The following RBFOX1 variants were observed in gnomAD, a reference collection of about 807,000 sequenced individuals.
The protein encoded by RBFOX1 is RNA binding protein fox-1 homolog 1.
A neutral mutation model predicts 57.7 loss-of-function variants in RBFOX1; 8 were observed. The ratio of observed to expected loss-of-function variants is 0.14; its 90% CI spans 0.08 to 0.25. The LOEUF is 0.25. Among genes scored for constraint, RBFOX1 ranks in the 10% least tolerant of loss-of-function variants. The probability of loss-of-function intolerance (pLI) is 1.00; values close to 1 mark genes in which losing one functional copy is unlikely to be tolerated. For synonymous variants in RBFOX1, 326 were observed against 222.4 expected (o/e 1.47, Z -4.15); for missense variants, 611 against 548.5 (o/e 1.11, Z -1.14).
At chr16:6,572,657 A>C (rs750537218) in intron 2 of RBFOX1, among the ~76,000 whole-genome samples, 2 of 151,688 alleles carry the variant, frequency 1.3e-5, no homozygotes, top group Non-Finnish European at 2.9e-5. Context: ...CAGTGTCACT[A>C]TCTCAGCTCA....
chr16:6,520,251 T>C (rs2096472942), intron 2 of RBFOX1, among the ~76,000 whole-genome samples: 1 of 152,236 alleles, frequency 6.6e-6, no homozygotes, highest in Non-Finnish European at 1.5e-5. Flanking sequence ...TTTAAAGCGA[T>C]GTTGAATTTT....
At chr16:6,426,072 G>C (rs114619187) in intron 2 of RBFOX1, among the ~76,000 whole-genome samples, 5,643 of 144,304 alleles carry the variant, frequency 0.039, 375 homozygotes, top group African/African-American at 0.14. Flanking sequence ...CTGTCTCTCT[G>C]TCTCATTTTC....
At chr16:6,862,569 C>A (rs900359436) in intron 3 of RBFOX1, among the ~76,000 whole-genome samples, 3 of 152,120 alleles carry the variant, frequency 2.0e-5, no homozygotes, top group Non-Finnish European at 4.4e-5. Flanking sequence ...GAAGAGATTT[C>A]CAGGAAGAAA....
intron 1 of RBFOX1, among the ~76,000 whole-genome samples, chr16:6,155,982 C>T (rs2096835737): frequency 6.6e-6 from 1 of 152,120 alleles, no homozygotes; most frequent in Non-Finnish European, 1.5e-5. Context: ...CCTCCCCACT[C>T]TTCGTGAGTT....
At chr16:5,991,719 G>C (rs938660925) in intron 4 of RBFOX1, among the ~76,000 whole-genome samples, 3 of 149,206 alleles carry the variant, frequency 2.0e-5, no homozygotes, top group Non-Finnish European at 4.4e-5. Flanking sequence ...TGTGAGTTGA[G>C]CCTGCCTTAG....
chr16:6,841,395 C>A (rs1049594320), intron 3 of RBFOX1, among the ~76,000 whole-genome samples: 3 of 152,136 alleles, frequency 2.0e-5, no homozygotes, highest in Admixed American at 1.3e-4. Context: ...CTAAAGAGCC[C>A]AGAGTGTTAA....
chr16:7,209,076 C>T lies in RBFOX1; in HGVS notation c.27+156978C>T, dbSNP rs1024094779. Among the ~76,000 whole-genome samples the T allele has an allele frequency of 2.6e-5, 4 of 151,746 alleles. No homozygotes were observed. In the South Asian group the frequency reaches 8.3e-4, roughly 32 times the overall value. ...TTGGGAGGCCGAGGTGGTCAGATCA[C>T]CTGAGGTCAGGAGTTCAAGAGCAGC... On this transcript the variant is annotated intron_variant, in intron 4 of 15. Transcript: ENST00000550418.
At chr16:6,573,011 C>G (rs908469717) in intron 2 of RBFOX1, among the ~76,000 whole-genome samples, 2 of 152,158 alleles carry the variant, frequency 1.3e-5, no homozygotes, top group Non-Finnish European at 2.9e-5. Flanking sequence ...AGGGATCACT[C>G]TATTAAGAGA....
chr16:6,233,977 G>C (rs2097485894), intron 1 of RBFOX1, among the ~76,000 whole-genome samples: 1 of 152,172 alleles, frequency 6.6e-6, no homozygotes, highest in African/African-American at 2.4e-5. Flanking sequence ...CCAAGATCGA[G>C]GCAATAGAAG....
At chr16:7,636,589 G>A (rs564178489) in intron 11 of RBFOX1, among the ~76,000 whole-genome samples, 4 of 152,116 alleles carry the variant, frequency 2.6e-5, no homozygotes, top group South Asian at 4.2e-4. Flanking sequence ...CATTTTAGAC[G>A]TCATTTTGGA....
intron 4 of RBFOX1, among the ~76,000 whole-genome samples, chr16:5,884,448 C>A (rs1021814878): frequency 7.0e-6 from 1 of 142,818 alleles, no homozygotes; most frequent in African/African-American, 2.6e-5. Context: ...CACCGCCCCG[C>A]CCCCCGCTCC....
intron 1 of RBFOX1, among the ~76,000 whole-genome samples, chr16:6,070,377 A>G (rs1359677876): frequency 6.6e-6 from 1 of 152,228 alleles, no homozygotes; most frequent in Non-Finnish European, 1.5e-5. Flanking sequence ...ATTATTTCAT[A>G]CACTTCAGAT....
intron 3 of RBFOX1, among the ~76,000 whole-genome samples, chr16:5,618,125 C>T (rs1326795304): frequency 1.3e-5 from 2 of 152,176 alleles, no homozygotes; most frequent in African/African-American, 4.8e-5. Flanking sequence ...TTTTTATCTC[C>T]TGGAAGTCTT....
At chr16:6,582,120 G>C (rs1218511152) in intron 2 of RBFOX1, among the ~76,000 whole-genome samples, 1 of 152,132 alleles carries the variant, frequency 6.6e-6, no homozygotes, top group Non-Finnish European at 1.5e-5. Flanking sequence ...CATTGAGGCT[G>C]AGAAAGCTGA....
intron 1 of RBFOX1, among the ~76,000 whole-genome samples, chr16:5,393,749 A>G (rs983378014): frequency 6.6e-6 from 1 of 152,192 alleles, no homozygotes; most frequent in African/African-American, 2.4e-5. Context: ...TGTCTAAACC[A>G]TGTGTACAGT....
At chr16:7,705,043 CAAAAGAAA>C (rs1315922533) in intron 14 of RBFOX1, among the ~76,000 whole-genome samples, 63 of 35,264 alleles carry the variant, frequency 1.8e-3, no homozygotes, top group Non-Finnish European at 3.4e-3. Flanking sequence ...GACTCTGTCT[CAAAAGAAA>C]AAAAAAAAAA....
intron 4 of RBFOX1, among the ~76,000 whole-genome samples, chr16:7,317,935 A>T (rs944555013): frequency 6.6e-6 from 1 of 152,178 alleles, no homozygotes; most frequent in Non-Finnish European, 1.5e-5. Context: ...AGCTCAATAC[A>T]TACTTCTACT....
intron 1 of RBFOX1, among the ~76,000 whole-genome samples, chr16:6,231,248 G>GTT (rs1216587675): frequency 6.6e-6 from 1 of 151,582 alleles, no homozygotes; most frequent in Admixed American, 6.6e-5. Flanking sequence ...AGGTGTGTGT[G>GTT]TGTGTGTGTG....
At chr16:6,421,312 G>A (rs1322779777) in intron 2 of RBFOX1, among the ~76,000 whole-genome samples, 1 of 152,214 alleles carries the variant, frequency 6.6e-6, no homozygotes, top group Non-Finnish European at 1.5e-5. Flanking sequence ...TTTGTTGGCT[G>A]TTGATTTGAT....
Sources: gnomAD v4.1 joint callset for allele counts (sites outside exome capture counted in the v4.1 genomes callset) on GRCh38, gnomAD v4.1.1 for gene constraint, MANE v1.5 for transcripts, NCBI Gene and HGNC (gene_info 2026-07-23, HGNC 2026-07-21) for gene names.